Variants in CEP112 observed in about 807,000 individuals in gnomAD.
CEP112 encodes the protein centrosomal protein of 112 kDa.
A neutral mutation model predicts 153.0 loss-of-function variants in CEP112; 127 were observed. The ratio of observed to expected loss-of-function variants is 0.83; its 90% CI spans 0.72 to 0.96. The LOEUF (loss-of-function observed/expected upper bound fraction) is 0.96. Ranked by LOEUF, CEP112 falls within the 40% of genes least tolerant of loss-of-function variation. CEP112 has a pLI of 0.00. For missense variants in CEP112, 1,089 were observed against 1,101.2 expected, an observed-to-expected ratio of 0.99 and a Z score of 0.16; for synonymous variants, 358 against 374.4, an observed-to-expected ratio of 0.96 and a Z score of 0.51.
At chr17:65,934,068 A>AGT (rs2061221955) in intron 18 of CEP112, among the ~76,000 whole-genome samples, 2 of 152,302 alleles carry the variant, frequency 1.3e-5, no homozygotes, top group African/African-American at 4.8e-5. Context: ...GTGTGCCTGT[A>AGT]GTCCCCGCTA....
At chr17:66,022,711 GAAAA>G (rs1555771642) in intron 16 of CEP112, among the ~76,000 whole-genome samples, 5 of 127,070 alleles carry the variant, frequency 3.9e-5, no homozygotes, top group African/African-American at 9.1e-5. Flanking sequence ...TCCGCCTCAA[GAAAA>G]AAAAAAAAAA....
chr17:65,655,376 G>A, intron 24 of CEP112: 4 of 1,551,554 alleles, frequency 2.6e-6, no homozygotes, highest in Admixed American at 1.7e-5. Flanking sequence ...ACGAAAGGAA[G>A]CTCAACTCCA....
chr17:66,051,149 T>C (rs2066424027), intron 12 of CEP112, among the ~76,000 whole-genome samples: 1 of 54,616 alleles, frequency 1.8e-5, no homozygotes, highest in Admixed American at 3.9e-4. Flanking sequence ...CTAGCTAATT[T>C]TTTTTTTTTT....
chr17:66,014,838 T>C (rs1301839723), intron 16 of CEP112, among the ~76,000 whole-genome samples: 2 of 152,188 alleles, frequency 1.3e-5, no homozygotes, highest in Non-Finnish European at 2.9e-5. Context: ...ACTTGGAATG[T>C]GCCAGTCTTC....
chr17:65,716,631 C>T (rs34001790), intron 23 of CEP112, among the ~76,000 whole-genome samples: 372 of 152,156 alleles, frequency 2.4e-3, no homozygotes, highest in Non-Finnish European at 3.7e-3. Flanking sequence ...CGAATTGTAC[C>T]GTGAGACTCA....
At chr17:65,828,756 C>T (rs573848650) in intron 21 of CEP112, among the ~76,000 whole-genome samples, 132 of 152,082 alleles carry the variant, frequency 8.7e-4, no homozygotes, top group African/African-American at 3.1e-3. Context: ...ACCATCTTTG[C>T]ACTCCTGGAA....
intron 21 of CEP112, among the ~76,000 whole-genome samples, chr17:65,841,064 G>A (rs1468749497): frequency 6.6e-6 from 1 of 152,050 alleles, no homozygotes; most frequent in East Asian, 1.9e-4. Flanking sequence ...ATGCAAATTA[G>A]TATAGTCACT....
chr17:65,970,574 A>G (rs943148295), intron 17 of CEP112, among the ~76,000 whole-genome samples: 3 of 152,118 alleles, frequency 2.0e-5, no homozygotes, highest in African/African-American at 7.2e-5. Context: ...TCTTACATGC[A>G]AATTGCGTGC....
rs1227180077 is a variant in CEP112 at position 65,970,480 on chromosome 17, CATGCATGCACACTACATGCATATTAT to C, written c.1737-8908_1737-8883del. On this transcript the variant is annotated intron_variant, in intron 17 of 26. Coordinates refer to ENST00000535342, the MANE Select transcript of CEP112 (RefSeq NM_001199165.4). ...TGCATGCACACATGCATGTATATTA[CATGCATGCACACTACATGCATATTAT>C]ATGCATGCATATTAAATACATGTAT... is the stretch of plus-strand genomic sequence containing the variant. Among the ~76,000 whole-genome samples, 5 of 67,400 alleles carry C rather than the reference CATGCATGCACACTACATGCATATTAT, an allele frequency of 7.4e-5. 1 individual carries two copies. The highest frequency in any genetic ancestry group is 1.2e-4 in the African/African-American group (3 of 25,210). The allele number at this position is 67,400 out of a possible 152,430, so 44.2% of individuals were successfully genotyped here. A position where few individuals can be genotyped will look rare whatever the true frequency, so the allele number is the denominator to read the frequency against.
At chr17:66,180,611 A>G (rs982889653) in intron 2 of CEP112, among the ~76,000 whole-genome samples, 3 of 152,154 alleles carry the variant, frequency 2.0e-5, no homozygotes, top group African/African-American at 7.2e-5. Context: ...CTGACATGTC[A>G]TTTTGTGAAA....
intron 21 of CEP112, among the ~76,000 whole-genome samples, chr17:65,779,252 C>A (rs574244903): frequency 1.4e-4 from 22 of 152,232 alleles, no homozygotes; most frequent in South Asian, 8.3e-4. Flanking sequence ...TTGTTCCTAG[C>A]AAGTTACTAT....
intron 21 of CEP112, among the ~76,000 whole-genome samples, chr17:65,809,899 G>A (rs181330335): frequency 6.6e-6 from 1 of 152,194 alleles, no homozygotes; most frequent in Non-Finnish European, 1.5e-5. Context: ...TGGAGTAGGA[G>A]CAGCTAGCCA....
chr17:66,156,464 A>G (rs1298250260), intron 4 of CEP112, among the ~76,000 whole-genome samples: 2 of 152,074 alleles, frequency 1.3e-5, no homozygotes, highest in Non-Finnish European at 2.9e-5. Context: ...AAAAACCAGA[A>G]CGCCTCTTCT....
chr17:65,890,021 A>C (rs2059409008), intron 20 of CEP112, among the ~76,000 whole-genome samples: 1 of 152,226 alleles, frequency 6.6e-6, no homozygotes. Context: ...GCGTATATAT[A>C]TAAATTTGTA....
At chr17:66,140,113 A>C (rs1238853947) in intron 4 of CEP112, among the ~76,000 whole-genome samples, 1 of 152,242 alleles carries the variant, frequency 6.6e-6, no homozygotes, top group African/African-American at 2.4e-5. Flanking sequence ...AGATGCCAGG[A>C]TGGTACAATA....
At chr17:66,188,610 G>GTAT (rs2073043754) in intron 1 of CEP112, among the ~76,000 whole-genome samples, 1 of 148,258 alleles carries the variant, frequency 6.7e-6, no homozygotes, top group South Asian at 2.1e-4. Flanking sequence ...ACACATCTGT[G>GTAT]TATTATTATG....
intron 24 of CEP112, among the ~76,000 whole-genome samples, chr17:65,686,958 T>C (rs914411349): frequency 6.6e-6 from 1 of 152,184 alleles, no homozygotes; most frequent in Admixed American, 6.6e-5. Flanking sequence ...AATACTCTTC[T>C]ACTACTGTGT....
chr17:65,970,205 T>C (rs922155766), intron 17 of CEP112, among the ~76,000 whole-genome samples: 2 of 148,538 alleles, frequency 1.3e-5, no homozygotes, highest in African/African-American at 4.9e-5. Context: ...GCTGCATGCA[T>C]GTCATGCATG....
intron 17 of CEP112, among the ~76,000 whole-genome samples, chr17:65,993,959 A>G (rs2063689216): frequency 6.6e-6 from 1 of 151,942 alleles, no homozygotes. Context: ...ACTTCAGTAG[A>G]AAGTTATAAA....
Sources: allele counts gnomAD v4.1 joint callset (sites outside exome capture counted in the v4.1 genomes callset), GRCh38; gene constraint gnomAD v4.1.1; transcripts MANE v1.5; gene names NCBI Gene and HGNC (gene_info 2026-07-23, HGNC 2026-07-21).